The following FXR2 variants were observed in gnomAD, a reference collection of about 807,000 sequenced individuals.
The protein encoded by FXR2 is FMR1 autosomal homolog 2.
Under a neutral mutation model 87.3 loss-of-function variants are expected in FXR2, and 9 were observed. That is an observed-to-expected ratio of 0.10 (90% CI 0.06 to 0.18). The LOEUF (loss-of-function observed/expected upper bound fraction) is 0.18, where lower values mean the gene tolerates loss of function less well. Among genes scored for constraint, FXR2 ranks in the 10% least tolerant of loss-of-function variants. FXR2 has a pLI of 1.00. For synonymous variants in FXR2, 331 were observed against 328.3 expected (o/e 1.01, Z -0.09); for missense variants, 661 against 893.6 (o/e 0.74, Z 3.32).
rs779983768 is a variant in FXR2, at chr17:7,592,489, CCA to C, written c.1825+13_1825+14del. 6.8e-6 allele frequency: 11 copies of C among 1,610,072 alleles called. No homozygotes were observed. The Admixed American group carries it at 1.7e-4, about 24-fold the overall frequency. On this transcript the variant is annotated intron_variant, in intron 15 of 16. Transcript: ENST00000250113. The surrounding 1 kb of genome is among the most constrained non-coding windows in gnomAD (Gnocchi z 4.8). ...CAGCTCTGAGGAAGGATTCTGGTGT[CCA>C]GAGTTGGCTGACCTGGCTGGCGGTC...
Position 7,614,574 on chromosome 17 carries a change from C to G in FXR2, c.-42G>C, listed in dbSNP as rs940604026. The G allele has an allele frequency of 1.2e-5, 16 of 1,348,152 alleles. No individual in the cohort carries two copies. The highest frequency in any genetic ancestry group is 1.6e-5 in the Non-Finnish European group (16 of 1,026,052). 83.5% of individuals were successfully genotyped at this position (1,348,152 alleles called of 1,614,324 possible). A position where few individuals can be genotyped will look rare whatever the true frequency, so the allele number is the denominator to read the frequency against. Reference sequence around the variant, plus strand: ...CCGACTCCCCCGGCGGCGGCTGCAGCAGCAGTCTGAGTGCGGGCCGGGCCA... The same window carrying G: ...CCGACTCCCCCGGCGGCGGCTGCAGGAGCAGTCTGAGTGCGGGCCGGGCCA... On this transcript the variant is annotated 5_prime_UTR_variant, in exon 1 of 17. Coordinates refer to ENST00000250113, the MANE Select transcript of FXR2 (RefSeq NM_004860.4).
At chr17:7,603,226 TAAG>T (rs2071773845) in intron 5 of FXR2, among the ~76,000 whole-genome samples, 1 of 140,404 alleles carries the variant, frequency 7.1e-6, no homozygotes, top group African/African-American at 2.6e-5. Flanking sequence ...GCTGAGTAAA[TAAG>T]AAAAGAAAAG....
chr17:7,606,001 C>CA, intron 2 of FXR2, 96 bp downstream of exon 2: 1 of 826,902 alleles, frequency 1.2e-6, no homozygotes, highest in Non-Finnish European at 2.0e-6. Context: ...TCAGCTCTCC[C>CA]AACCTATTAC....
At chr17:7,613,966 G>A (rs1428776329) in intron 1 of FXR2, 6 of 446,388 alleles carry the variant, frequency 1.3e-5, no homozygotes, top group Non-Finnish European at 9.0e-6. Context: ...AGTGGGGTGA[G>A]TGTTCCAGAG....
In FXR2 at chr17:7,591,909, T is replaced by C; in HGVS notation, c.1943A>G (p.Lys648Arg). The C allele has an allele frequency of 6.3e-7, 1 of 1,597,960 alleles. No homozygotes were observed. The highest frequency in any genetic ancestry group is 8.6e-7 in the Non-Finnish European group (1 of 1,165,706). ...LSGQKGDSVS[K>R]LPKGPSENGE... ...ATTCTCCGAGGGGCCCTTAGGAAGCTTGCTGACAGAGTCACCCTGAGGGGA... is the reference window on the plus strand; with the variant it reads ...ATTCTCCGAGGGGCCCTTAGGAAGCCTGCTGACAGAGTCACCCTGAGGGGA... The change falls in exon 17 of 17, where the codon AAG (lysine) becomes AGG (arginine). Residue 648 changes from lysine to arginine, a missense_variant. Physicochemically the swap from Lys to Arg is conservative, Grantham distance 26. Around this residue, in one of 3 missense-constraint regions of FXR2, gnomAD observed 409 missense variants for 432.0 expected, o/e 0.95. Transcript: ENST00000250113. This position sits in a 1 kb window ranked among gnomAD's most constrained non-coding sequence, Gnocchi z 4.0.
intron 5 of FXR2, 34 bp downstream of exon 5, chr17:7,603,723 G>T: frequency 6.2e-7 from 1 of 1,607,452 alleles, no homozygotes; most frequent in Non-Finnish European, 8.5e-7. Flanking sequence ...GGGCTGTAAA[G>T]AGGGCCCTCA....
At chr17:7,598,184 C>G (rs1318347791) in intron 7 of FXR2, among the ~76,000 whole-genome samples, 1 of 152,192 alleles carries the variant, frequency 6.6e-6, no homozygotes, top group Non-Finnish European at 1.5e-5. Flanking sequence ...GGCACAGTGG[C>G]TCTCGCCTGT....
Position 7,591,795 on chromosome 17 carries a change from C to A in FXR2, c.*35G>T, listed in dbSNP as rs1420991875. 1 of 1,100,628 alleles carries A rather than the reference C, an allele frequency of 9.1e-7. No individual in the cohort carries two copies. Among genetic ancestry groups the A allele is most frequent in the Non-Finnish European group, 1.4e-6 (1 of 712,248 alleles). The allele number at this position is 1,100,628 out of a possible 1,614,324, so 68.2% of individuals were successfully genotyped here. A position where few individuals can be genotyped will look rare whatever the true frequency, so the allele number is the denominator to read the frequency against. On this transcript the variant is annotated 3_prime_UTR_variant, in exon 17 of 17. Transcript: ENST00000250113. This position sits in a 1 kb window ranked among gnomAD's most constrained non-coding sequence, Gnocchi z 4.0. The stretch of plus-strand genomic sequence containing the variant: ...GAGGGCCATGGTGTTGGGCAGCAAG[C>A]GAGATGGAGAAGGGAGGGGTGCAGG...
At chr17:7,598,892 T>A (rs1041505609) in intron 7 of FXR2, among the ~76,000 whole-genome samples, 1 of 152,142 alleles carries the variant, frequency 6.6e-6, no homozygotes, top group Non-Finnish European at 1.5e-5. Context: ...ATGCCTGTAA[T>A]CCCAGTACTT....
intron 1 of FXR2, among the ~76,000 whole-genome samples, chr17:7,606,419 C>A (rs2071803682): frequency 1.3e-5 from 2 of 151,982 alleles, no homozygotes; most frequent in South Asian, 4.1e-4. Context: ...CCCACAGGGG[C>A]CTCCCTATCT....
intron 6 of FXR2, among the ~76,000 whole-genome samples, 192 bp from the exon 7 acceptor site, chr17:7,601,717 A>T (rs970055423): frequency 6.6e-6 from 1 of 152,144 alleles, no homozygotes; most frequent in Non-Finnish European, 1.5e-5. Flanking sequence ...TCACGAGGTC[A>T]TGAGATCGAG....
At chr17:7,602,838 A>T in intron 6 of FXR2, 71 bp downstream of exon 6, 1 of 759,456 alleles carries the variant, frequency 1.3e-6, no homozygotes, top group African/African-American at 1.8e-5. Context: ...CTCTTTCTGC[A>T]AAAGGGTTAA....
In FXR2 at chr17:7,594,243, C is replaced by T. The variant is rs770492641; in HGVS notation, c.1015G>A (p.Glu339Lys). 2 of 1,578,984 alleles carry T rather than the reference C, an allele frequency of 1.3e-6. No homozygotes were observed. The highest frequency in any genetic ancestry group is 1.7e-6 in the Non-Finnish European group (2 of 1,148,186). The change falls in exon 10 of 17, where the codon GAG becomes AAG. Residue 339 changes from glutamate to lysine, a missense_variant. Glu to Lys is a moderately conservative substitution (Grantham distance 56). Transcript: ENST00000250113. The surrounding 1 kb of genome is among the most constrained non-coding windows in gnomAD (Gnocchi z 5.1). ...EGDNDKKNPREEGMVPFIFVG... is the reference protein window; with the variant it reads ...EGDNDKKNPRKEGMVPFIFVG... ...CACTTGCCCCGTACCCATACCTCCT[C>T]CCTGGGGTTCTTCTTGTCATTATCA...
intron 7 of FXR2, among the ~76,000 whole-genome samples, chr17:7,597,366 A>G (rs1424677237): frequency 6.6e-6 from 1 of 152,216 alleles, no homozygotes; most frequent in African/African-American, 2.4e-5. Context: ...AAGAAGAGAA[A>G]GTTGGAAAAA....
In FXR2 at chr17:7,595,801, G is replaced by A; in HGVS notation, c.831+23C>T. On this transcript the variant is annotated intron_variant, in intron 8 of 16. Coordinates refer to ENST00000250113, the MANE Select transcript of FXR2 (RefSeq NM_004860.4). The surrounding 1 kb of genome is among the most constrained non-coding windows in gnomAD (Gnocchi z 4.7). ...TTCCCTCTATCCCCTAAGAGACCCA[G>A]AAGAAAGACATCCTTTGCTGACCTC... 6.2e-7 allele frequency: 1 copy of A among 1,604,654 alleles called. No homozygotes were observed. Among genetic ancestry groups the A allele is most frequent in the East Asian group, 2.2e-5 (1 of 44,730 alleles).
In FXR2 at chr17:7,591,873, G is replaced by C; in HGVS notation, c.1979C>G (p.Ser660Cys). The C allele has an allele frequency of 6.2e-7, 1 of 1,606,452 alleles. No individual in the cohort carries two copies. The highest frequency in any genetic ancestry group is 8.5e-7 in the Non-Finnish European group (1 of 1,173,042). ...PKGPSENGEL[S>C]APLELGSMVN... ...CATACTACCCAACTCCAAGGGGGCG[G>C]AGAGCTCCCCATTCTCCGAGGGGCC... Residue 660 changes from serine (S) to cysteine (C), a missense_variant, in exon 17 of 17, where the codon TCC (serine) becomes TGC (cysteine). By Grantham distance (112) the Ser-to-Cys change is moderately radical (BLOSUM62 -1). Coordinates refer to ENST00000250113, the MANE Select transcript of FXR2 (RefSeq NM_004860.4). The surrounding 1 kb of genome is among the most constrained non-coding windows in gnomAD (Gnocchi z 4.0).
intron 1 of FXR2, among the ~76,000 whole-genome samples, chr17:7,611,844 G>A (rs981154683): frequency 2.0e-5 from 3 of 152,188 alleles, no homozygotes; most frequent in African/African-American, 7.2e-5. Context: ...AAACGGATAA[G>A]TATCTGTAGG....
At chr17:7,606,197 C>T (rs1212897687) in intron 1 of FXR2, 48 bp from the exon 2 acceptor site, 2 of 1,220,790 alleles carry the variant, frequency 1.6e-6, no homozygotes, top group Non-Finnish European at 2.3e-6. Context: ...TGACCTTTTA[C>T]TTCCACCTTA....
intron 7 of FXR2, among the ~76,000 whole-genome samples, chr17:7,597,457 A>G (rs1467048743): frequency 6.6e-6 from 1 of 152,038 alleles, no homozygotes; most frequent in East Asian, 1.9e-4. Context: ...CGTCTTCTAG[A>G]TAAGCTTGCA....
Sources: allele counts gnomAD v4.1 joint callset (sites outside exome capture counted in the v4.1 genomes callset), GRCh38; gene constraint gnomAD v4.1.1; regional missense constraint gnomAD v4.1.1; non-coding constraint Gnocchi (gnomAD v3.1); transcripts MANE v1.5; gene names NCBI Gene and HGNC (gene_info 2026-07-23, HGNC 2026-07-21).